Variants in FAM193B observed in about 807,000 individuals in gnomAD.
FAM193B encodes the protein protein FAM193B.
In FAM193B, 27 loss-of-function variants were observed where a neutral mutation model predicts 70.7. That is an observed-to-expected ratio of 0.38 (90% CI 0.28 to 0.53). FAM193B has a LOEUF of 0.53. Ranked by LOEUF, FAM193B falls within the 20% of genes least tolerant of loss-of-function variation. The pLI, the probability that FAM193B is intolerant of heterozygous loss-of-function variation, is 0.81. For missense variants in FAM193B, 1,022 were observed against 1,072.5 expected (o/e 0.95, Z 0.66); for synonymous variants, 448 against 436.0 (o/e 1.03, Z -0.34).
chr5:177,538,957 C>T lies in FAM193B; in HGVS notation c.401G>A (p.Arg134Gln), dbSNP rs749294104. The T allele has an allele frequency of 6.8e-6, 11 of 1,613,926 alleles. No homozygotes were observed. The highest frequency in any genetic ancestry group is 3.3e-5 in the Admixed American group (2 of 60,006). ...CCTTTCATCTTCCTCCATGCTCTTT[C>T]GGCAACTCTGGCAGACCCACAGAGG... ...EMPLWVCQSC[R>Q]KSMEEDERQT... is the part of the protein sequence containing the mutation. The change falls in exon 2 of 9, where the codon CGA (arginine) becomes CAA (glutamine). Residue 134 changes from arginine (R) to glutamine (Q), a missense_variant. Physicochemically the swap from Arg to Gln is conservative, Grantham distance 43. Coordinates refer to ENST00000514747, the MANE Select transcript of FAM193B (RefSeq NM_001190946.3). The surrounding 1 kb of genome is among the most constrained non-coding windows in gnomAD (Gnocchi z 4.1).
At chr5:177,525,393 G>A (rs1398198033) in intron 5 of FAM193B, 188 bp from the exon 6 acceptor site, 1 of 464,496 alleles carries the variant, frequency 2.2e-6, no homozygotes, top group Non-Finnish European at 3.6e-6. Context: ...ATGTCCTGGG[G>A]GCAGGGGTAG....
chr5:177,539,000 T>A lies in FAM193B; in HGVS notation c.358A>T (p.Asn120Tyr). 6.2e-7 allele frequency: 1 copy of A among 1,614,040 alleles called. No individual in the cohort carries two copies. Among genetic ancestry groups the A allele is most frequent in the Non-Finnish European group, 8.5e-7 (1 of 1,179,894 alleles). The change falls in exon 2 of 9, where the codon AAT becomes TAT. Residue 120 changes from asparagine to tyrosine, a missense_variant. Coordinates refer to ENST00000514747, the MANE Select transcript of FAM193B (RefSeq NM_001190946.3). The surrounding 1 kb of genome is among the most constrained non-coding windows in gnomAD (Gnocchi z 4.1). ...PPDFMPKLVK[N>Y]LLGEMPLWVC... ...CACAGAGGCATCTCGCCTAGGAGATTCTTGACGAGCTTTGGCATGAAGTCA... is the reference window on the plus strand; with the variant it reads ...CACAGAGGCATCTCGCCTAGGAGATACTTGACGAGCTTTGGCATGAAGTCA...
chr5:177,546,235 T>C (rs1193211965), intron 1 of FAM193B, among the ~76,000 whole-genome samples: 1 of 152,268 alleles, frequency 6.6e-6, no homozygotes, highest in East Asian at 1.9e-4. Flanking sequence ...CAAAGGTCAA[T>C]GAAGCTCTTG....
At chr5:177,534,545 G>C (rs960106641) in intron 4 of FAM193B, among the ~76,000 whole-genome samples, 3 of 151,506 alleles carry the variant, frequency 2.0e-5, no homozygotes, top group African/African-American at 7.3e-5. Context: ...CTCGTGATCT[G>C]CTCACCTCAG....
rs767898073 is a variant in FAM193B, at chr5:177,524,045, A to C, written c.2297-13T>G. ...AGGAACACATCGTCTAGGAAGACAC[A>C]GCCAGGAGGGCTCAGTGCCCATGGC... On this transcript the variant is annotated splice_polypyrimidine_tract_variant and intron_variant, in intron 6 of 8. Coordinates refer to ENST00000514747, the MANE Select transcript of FAM193B (RefSeq NM_001190946.3). The C allele has an allele frequency of 1.2e-6, 2 of 1,613,922 alleles. No individual in the cohort carries two copies. Among genetic ancestry groups the C allele is most frequent in the Non-Finnish European group, 1.7e-6 (2 of 1,179,890 alleles).
chr5:177,536,118 G>GC (rs1175836675), intron 4 of FAM193B, among the ~76,000 whole-genome samples: 2 of 151,964 alleles, frequency 1.3e-5, no homozygotes, highest in Non-Finnish European at 2.9e-5. Context: ...TTGCCATGTT[G>GC]CCCAGGCTGG....
At chr5:177,545,789 T>C (rs551459280) in intron 1 of FAM193B, among the ~76,000 whole-genome samples, 83 of 152,320 alleles carry the variant, frequency 5.4e-4, no homozygotes, top group African/African-American at 7.9e-4. Flanking sequence ...TGAAGCTGGA[T>C]TGAATTTCCA....
intron 1 of FAM193B, 109 bp downstream of exon 1, chr5:177,554,140 C>G (rs980829537): frequency 7.0e-7 from 1 of 1,431,088 alleles, no homozygotes; most frequent in Non-Finnish European, 9.2e-7. Flanking sequence ...GGGAAGGCTG[C>G]TACCCCAGCC....
chr5:177,537,857 G>A lies in FAM193B; in HGVS notation c.688+16C>T, dbSNP rs375110636. Reference sequence around the variant, plus strand: ...CATTTATAGGGCCTGGCTCTCTCCCGAGCCTGGAGACTCACCGGGGATGGT... The same window carrying A: ...CATTTATAGGGCCTGGCTCTCTCCCAAGCCTGGAGACTCACCGGGGATGGT... On this transcript the variant is annotated intron_variant, in intron 3 of 8. Transcript: ENST00000514747. 2.1e-5 allele frequency: 34 copies of A among 1,600,440 alleles called. No homozygotes were observed. The highest frequency in any genetic ancestry group is 6.7e-5 in the East Asian group (3 of 44,518).
rs772013784 is a variant in FAM193B at position 177,524,029 on chromosome 5, TC to T, written c.2299del (p.Asp767MetfsTer40). ...KQEKPASSLD[D>X]VFLPKDMDGV... ...GTCCATGTCCTTGGGCAGGAACACATCGTCTAGGAAGACACAGCCAGGAGGG... is the reference window on the plus strand; with the variant it reads ...GTCCATGTCCTTGGGCAGGAACACATGTCTAGGAAGACACAGCCAGGAGGG... On this transcript the variant is annotated frameshift_variant and splice_region_variant, in exon 7 of 9. Transcript: ENST00000514747. LOFTEE classifies it high-confidence loss of function. The T allele has an allele frequency of 6.2e-7, 1 of 1,614,030 alleles. No individual in the cohort carries two copies. Among genetic ancestry groups the T allele is most frequent in the South Asian group, 1.1e-5 (1 of 91,090 alleles).
At chr5:177,537,760 C>T in intron 3 of FAM193B, 113 bp downstream of exon 3, 1 of 1,409,916 alleles carries the variant, frequency 7.1e-7, no homozygotes, top group Non-Finnish European at 9.3e-7. Flanking sequence ...AGAACAGTTC[C>T]ACTTTTACTT....
chr5:177,534,315 C>T lies in FAM193B; in HGVS notation c.1077-1674G>A, dbSNP rs188693227. On this transcript the variant is annotated intron_variant, in intron 4 of 8. Coordinates refer to ENST00000514747, the MANE Select transcript of FAM193B (RefSeq NM_001190946.3). Reference sequence around the variant, plus strand: ...GATTTTTTTTTTTTTTTTTTGGAGACGGAGTCTCGCTCTGTTGCCCAAGCT... The same window carrying T: ...GATTTTTTTTTTTTTTTTTTGGAGATGGAGTCTCGCTCTGTTGCCCAAGCT... 9.4e-4 allele frequency among the ~76,000 whole-genome samples: 121 copies of T among 128,186 alleles called. 2 individuals are homozygous for T. The highest frequency in any genetic ancestry group is 3.3e-3 in the African/African-American group (114 of 34,286). 84.1% of individuals were successfully genotyped at this position (128,186 alleles called of 152,430 possible).
At chr5:177,550,109 G>A (rs528446995) in intron 1 of FAM193B, among the ~76,000 whole-genome samples, 2 of 152,152 alleles carry the variant, frequency 1.3e-5, no homozygotes, top group Non-Finnish European at 2.9e-5. Context: ...GAGTCCAGGA[G>A]TTTGAGGATA....
At chr5:177,521,336 A>G (rs1346886734) in intron 8 of FAM193B, among the ~76,000 whole-genome samples, 1 of 152,226 alleles carries the variant, frequency 6.6e-6, no homozygotes, top group Non-Finnish European at 1.5e-5. Flanking sequence ...TGTTTCAGAC[A>G]AAAGGACCTG....
intron 1 of FAM193B, 21 bp from the exon 2 acceptor site, chr5:177,539,168 G>C: frequency 6.5e-7 from 1 of 1,528,328 alleles, no homozygotes; most frequent in East Asian, 2.4e-5. Flanking sequence ...GACAGAAACA[G>C]GGTTTCCCAG....
At chr5:177,523,933 G>A (rs1435678118) in intron 7 of FAM193B, 24 bp downstream of exon 7, 1 of 1,612,378 alleles carries the variant, frequency 6.2e-7, no homozygotes, top group African/African-American at 1.3e-5. Context: ...TCCACAAGTG[G>A]GAGAGCAGGC....
chr5:177,547,967 C>CAT (rs1561787160), intron 1 of FAM193B, among the ~76,000 whole-genome samples: 1 of 124,020 alleles, frequency 8.1e-6, no homozygotes, highest in East Asian at 2.9e-4. Flanking sequence ...GAACCGAAGG[C>CAT]ACACACACAG....
intron 1 of FAM193B, among the ~76,000 whole-genome samples, chr5:177,545,006 A>G (rs1042651893): frequency 6.6e-6 from 1 of 152,258 alleles, no homozygotes; most frequent in Non-Finnish European, 1.5e-5. Context: ...CTATTAAGCC[A>G]GATGAAAAGA....
intron 5 of FAM193B, chr5:177,531,310 T>C: frequency 1.5e-6 from 2 of 1,346,990 alleles, no homozygotes; most frequent in Non-Finnish European, 2.0e-6. Flanking sequence ...CCGGGCCCGC[T>C]TGGCGGCCCT....
Sources: allele counts gnomAD v4.1 joint callset (sites outside exome capture counted in the v4.1 genomes callset), GRCh38; gene constraint gnomAD v4.1.1; non-coding constraint Gnocchi (gnomAD v3.1); transcripts MANE v1.5; gene names NCBI Gene and HGNC (gene_info 2026-07-23, HGNC 2026-07-21).